The following TNKS variants were observed in gnomAD, a reference collection of about 807,000 sequenced individuals.
TNKS encodes the protein poly [ADP-ribose] polymerase tankyrase-1.
TNKS carries 72 observed loss-of-function variants against 135.8 expected under a neutral mutation model. The ratio of observed to expected loss-of-function variants is 0.53; its 90% CI spans 0.44 to 0.64. TNKS has a LOEUF of 0.64. Ranked by LOEUF, TNKS falls within the 30% of genes least tolerant of loss-of-function variation. The probability of loss-of-function intolerance (pLI) is 0.00; values close to 1 mark genes in which losing one functional copy is unlikely to be tolerated. For synonymous variants in TNKS, 849 were observed against 649.3 expected (o/e 1.31, Z -4.68); for missense variants, 1,769 against 1,674.0 (o/e 1.06, Z -0.99).
At chr8:9,691,219 T>C (rs1803250536) in intron 5 of TNKS, among the ~76,000 whole-genome samples, 1 of 152,140 alleles carries the variant, frequency 6.6e-6, no homozygotes, top group South Asian at 2.1e-4. Flanking sequence ...AATCCTGCAC[T>C]GGGAAGGAGG....
In TNKS at chr8:9,689,785, G is replaced by C. The variant is rs556683809; in HGVS notation, c.1107+8985G>C. ...CTTAGCCACATTAAAATCAGCTGAAGGAATTTGTCACTTTCCCAGTTTGCA... is the reference window on the plus strand; with the variant it reads ...CTTAGCCACATTAAAATCAGCTGAACGAATTTGTCACTTTCCCAGTTTGCA... On this transcript the variant is annotated intron_variant, in intron 5 of 26. Transcript: ENST00000310430. Among the ~76,000 whole-genome samples, 5 of 152,270 alleles carry C rather than the reference G, an allele frequency of 3.3e-5. No homozygotes were observed. The East Asian group carries it at 9.6e-4, about 29-fold the overall frequency.
At chr8:9,746,295 T>C (rs921828796) in intron 17 of TNKS, among the ~76,000 whole-genome samples, 3 of 152,208 alleles carry the variant, frequency 2.0e-5, no homozygotes, top group Admixed American at 6.5e-5. Context: ...TTTTTAATAT[T>C]CTTAAAAAGC....
chr8:9,757,675 G>A (rs1176774186), intron 20 of TNKS, among the ~76,000 whole-genome samples: 1 of 152,038 alleles, frequency 6.6e-6, no homozygotes, highest in Non-Finnish European at 1.5e-5. Flanking sequence ...TTGTTTCTTG[G>A]TTACCTCAAG....
intron 1 of TNKS, among the ~76,000 whole-genome samples, chr8:9,571,066 A>T (rs532297929): frequency 1.9e-4 from 29 of 152,324 alleles, no homozygotes; most frequent in Admixed American, 4.6e-4. Context: ...TTTTCATTTG[A>T]TGTCCAGTTA....
chr8:9,733,147 G>A (rs1490990823), intron 14 of TNKS, 132 bp from the exon 15 acceptor site: 1 of 632,172 alleles, frequency 1.6e-6, no homozygotes, highest in African/African-American at 1.9e-5. Flanking sequence ...AAAGAACAGA[G>A]GTGGGTGTAT....
At chr8:9,586,896 A>G (rs76014635) in intron 2 of TNKS, among the ~76,000 whole-genome samples, 2 of 152,214 alleles carry the variant, frequency 1.3e-5, no homozygotes, top group South Asian at 4.1e-4. Flanking sequence ...GTCTGCTGCG[A>G]AGAACAATGA....
At chr8:9,577,400 A>G (rs182094510) in intron 1 of TNKS, among the ~76,000 whole-genome samples, 1 of 152,136 alleles carries the variant, frequency 6.6e-6, no homozygotes, top group African/African-American at 2.4e-5. Context: ...GAGCCTGGGT[A>G]ATTTATAAAG....
chr8:9,591,555 G>A (rs1218780714), intron 2 of TNKS, among the ~76,000 whole-genome samples: 2 of 152,160 alleles, frequency 1.3e-5, no homozygotes, highest in South Asian at 2.1e-4. Context: ...GGTCATTCAT[G>A]TATATTTTTT....
rs115889265 is a variant in TNKS, at chr8:9,626,108, A to G, written c.994+10431A>G. On this transcript the variant is annotated intron_variant, in intron 3 of 26. Coordinates refer to ENST00000310430, the MANE Select transcript of TNKS (RefSeq NM_003747.3). ...TTGTTTGTAGCTTTGTTGCATACAC[A>G]TTTAGGATTGTTATAAATGTGATTG... Among the ~76,000 whole-genome samples, 1,290 of 152,256 alleles carry G rather than the reference A, an allele frequency of 8.5e-3. 23 individuals carry two copies. The highest frequency in any genetic ancestry group is 0.029 in the African/African-American group (1,208 of 41,542).
chr8:9,699,120 G>A (rs1311441270), intron 5 of TNKS, among the ~76,000 whole-genome samples: 1 of 152,210 alleles, frequency 6.6e-6, no homozygotes, highest in African/African-American at 2.4e-5. Flanking sequence ...TGTCCTAAAT[G>A]TTTGATGCTT....
In TNKS at chr8:9,641,664, G is replaced by A. The variant is rs1490382606; in HGVS notation, c.994+25987G>A. On this transcript the variant is annotated intron_variant, in intron 3 of 26. Transcript: ENST00000310430. ...GAGAATGTATTTTTTTTTTATGTGT[G>A]TGTGTTAGAGGAATAGAGACACACA... 8.4e-5 allele frequency among the ~76,000 whole-genome samples: 12 copies of A among 143,668 alleles called. 2 individuals are homozygous for A. Among genetic ancestry groups the A allele is most frequent in the African/African-American group, 3.1e-4 (12 of 38,680 alleles). The allele number at this position is 143,668 out of a possible 152,430, so 94.3% of individuals were successfully genotyped here.
intron 2 of TNKS, among the ~76,000 whole-genome samples, chr8:9,604,406 C>T (rs535074001): frequency 7.9e-5 from 12 of 152,206 alleles, no homozygotes; most frequent in African/African-American, 2.9e-4. Context: ...GGGGTTTTTA[C>T]AGCTGCAAAA....
At chr8:9,668,475 A>T (rs1585304712) in intron 3 of TNKS, among the ~76,000 whole-genome samples, 1 of 152,256 alleles carries the variant, frequency 6.6e-6, no homozygotes, top group Admixed American at 6.5e-5. Flanking sequence ...CATAATGGTT[A>T]GAAATATAAT....
At chr8:9,609,109 GTATTT>G (rs2128762658) in intron 2 of TNKS, among the ~76,000 whole-genome samples, 1 of 151,952 alleles carries the variant, frequency 6.6e-6, no homozygotes, top group African/African-American at 2.4e-5. Context: ...CTTTCAGCTT[GTATTT>G]TATTTTATTA....
intron 2 of TNKS, among the ~76,000 whole-genome samples, chr8:9,595,390 C>A (rs1233167398): frequency 6.6e-6 from 1 of 152,014 alleles, no homozygotes; most frequent in Non-Finnish European, 1.5e-5. Flanking sequence ...AGTCATTGTG[C>A]CTTTGGAAAT....
At chr8:9,565,042 T>C (rs996278005) in intron 1 of TNKS, among the ~76,000 whole-genome samples, 2 of 152,068 alleles carry the variant, frequency 1.3e-5, no homozygotes, top group African/African-American at 2.4e-5. Flanking sequence ...TTTCAAGTAA[T>C]TGAGGAAAGT....
rs563260184 is a variant in TNKS at position 9,702,941 on chromosome 8, G to A, written c.1108-1722G>A. 5.9e-5 allele frequency among the ~76,000 whole-genome samples: 9 copies of A among 152,236 alleles called. No homozygotes were observed. In the South Asian group the frequency reaches 1.2e-3, roughly 21 times the overall value. On this transcript the variant is annotated intron_variant, in intron 5 of 26. Coordinates refer to ENST00000310430, the MANE Select transcript of TNKS (RefSeq NM_003747.3). ...TGAGACAGGAGAATCACTTGAACCC[G>A]GGAGGCGGAGGTGGCAGTGAGCCGA...
At chr8:9,680,846 AT>A in intron 5 of TNKS, 46 bp downstream of exon 5, 1 of 1,492,530 alleles carries the variant, frequency 6.7e-7, no homozygotes, top group Non-Finnish European at 9.3e-7. Flanking sequence ...ATGCTTCAAA[AT>A]TTTGTGAATG....
At chr8:9,575,103 T>C (rs1797896004) in intron 1 of TNKS, 1 of 982,226 alleles carries the variant, frequency 1.0e-6, no homozygotes, top group Non-Finnish European at 1.2e-6. Flanking sequence ...TTATTTTCTT[T>C]TGACACGGAG....
Sources: allele counts gnomAD v4.1 joint callset (sites outside exome capture counted in the v4.1 genomes callset), GRCh38; gene constraint gnomAD v4.1.1; transcripts MANE v1.5; gene names NCBI Gene and HGNC (gene_info 2026-07-23, HGNC 2026-07-21).